PCLO: variants seen among roughly 807,000 people sequenced by gnomAD.
The protein encoded by PCLO is piccolo presynaptic cytomatrix protein.
Under a neutral mutation model 427.5 loss-of-function variants are expected in PCLO, and 82 were observed. That is an observed-to-expected ratio of 0.19 (90% CI 0.16 to 0.23). The LOEUF (loss-of-function observed/expected upper bound fraction) is 0.23. Ranked by LOEUF, PCLO falls within the 10% of genes least tolerant of loss-of-function variation. The pLI is 1.00. For missense variants in PCLO, 6,239 were observed against 6,115.9 expected (o/e 1.02, Z -0.67); for synonymous variants, 2,357 against 2,155.4 (o/e 1.09, Z -2.59).
intron 3 of PCLO, among the ~76,000 whole-genome samples, chr7:83,028,953 C>T (rs1441960042): frequency 6.6e-6 from 1 of 151,880 alleles, no homozygotes; most frequent in Non-Finnish European, 1.5e-5. Flanking sequence ...ATACAAAAAT[C>T]AATTCAAGAT....
intron 10 of PCLO, among the ~76,000 whole-genome samples, chr7:82,860,211 C>T (rs1409590191): frequency 1.3e-5 from 2 of 151,626 alleles, no homozygotes; most frequent in African/African-American, 4.8e-5. Context: ...TATCAATATC[C>T]AAGAACAAGA....
chr7:82,873,313 G>A (rs1027474569), intron 10 of PCLO, among the ~76,000 whole-genome samples: 7 of 149,998 alleles, frequency 4.7e-5, no homozygotes, highest in South Asian at 2.1e-4. Context: ...CCACACTCCC[G>A]TCATCCTCTT....
chr7:82,887,568 C>T (rs1793656020), intron 9 of PCLO, among the ~76,000 whole-genome samples: 2 of 152,140 alleles, frequency 1.3e-5, no homozygotes. Flanking sequence ...CAGCTGGAAG[C>T]AAAGCCTATA....
Position 82,804,632 on chromosome 7 carries a change from G to A in PCLO, c.14933+1056C>T, listed in dbSNP as rs144480147. ...GTGCCAGTTAGTAAATATTTTAGAT[G>A]GGCTGTATTCTAACGACTTAATTCT... On this transcript the variant is annotated intron_variant, in intron 21 of 24. Transcript: ENST00000333891. 3.1e-3 allele frequency among the ~76,000 whole-genome samples: 470 copies of A among 152,176 alleles called. 3 individuals are homozygous for A. Among genetic ancestry groups the A allele is most frequent in the African/African-American group, 0.011 (456 of 41,542 alleles).
At chr7:82,822,325 A>G in intron 20 of PCLO, 170 bp downstream of exon 20, 21 of 1,448,518 alleles carry the variant, frequency 1.4e-5, no homozygotes, top group Non-Finnish European at 1.9e-5. Flanking sequence ...AATCTAAATA[A>G]GAAAGAGCAT....
chr7:82,940,095 A>G (rs1201275500), intron 6 of PCLO, among the ~76,000 whole-genome samples: 2 of 152,192 alleles, frequency 1.3e-5, no homozygotes, highest in Admixed American at 6.5e-5. Context: ...CAATGTCATG[A>G]GAATGGATGT....
At chr7:83,058,927 T>G (rs1333459439) in intron 3 of PCLO, among the ~76,000 whole-genome samples, 3 of 152,074 alleles carry the variant, frequency 2.0e-5, no homozygotes, top group Non-Finnish European at 4.4e-5. Flanking sequence ...GCAAAATTAC[T>G]ATTCCTTCCT....
Position 82,754,744 on chromosome 7 carries a change from T to C in PCLO, c.*3831A>G, listed in dbSNP as rs548047669. 8 of 152,064 alleles carry C rather than the reference T, an allele frequency of 5.3e-5. No homozygotes were observed. Among genetic ancestry groups the C allele is most frequent in the African/African-American group, 1.4e-4 (6 of 41,430 alleles). 9.4% of individuals were successfully genotyped at this position (152,064 alleles called of 1,614,324 possible). A position where few individuals can be genotyped will look rare whatever the true frequency, so the allele number is the denominator to read the frequency against. ...TCAATGAGAATATTTGTTTCACTCA[T>C]TCATTACTGTATTACACCCAAGGCA... On this transcript the variant is annotated 3_prime_UTR_variant, in exon 25 of 25. Transcript: ENST00000333891.
At chr7:82,829,653 T>C (rs974137816) in intron 16 of PCLO, among the ~76,000 whole-genome samples, 1 of 152,158 alleles carries the variant, frequency 6.6e-6, no homozygotes. Flanking sequence ...ATAGGAAGTT[T>C]CTATATATAC....
chr7:82,915,265 T>C lies in PCLO; in HGVS notation c.12721A>G (p.Ile4241Val), dbSNP rs1012726707. Reference protein sequence around the residue: ...SSRARLLQDDITFGLRKNITD... With the variant: ...SSRARLLQDDVTFGLRKNITD... ...ATATTTTTTCTGAGGCCAAAAGTGA[T>C]GTCATCTTGAAGGAGCCTTGCCCTG... The change falls in exon 7 of 25, where the codon ATC (isoleucine) becomes GTC (valine). Residue 4241 changes from isoleucine (I) to valine (V), a missense_variant. Physicochemically the swap from Ile to Val is conservative, Grantham distance 29. Around this residue, in one of 5 missense-constraint regions of PCLO, gnomAD observed 680 missense variants for 677.3 expected, o/e 1.00. Transcript: ENST00000333891. 1.2e-6 allele frequency: 2 copies of C among 1,613,576 alleles called. No homozygotes were observed. The highest frequency in any genetic ancestry group is 1.7e-4 in the Middle Eastern group (1 of 6,058).
intron 6 of PCLO, among the ~76,000 whole-genome samples, chr7:82,924,331 C>A (rs114407479): frequency 0.019 from 2,937 of 151,914 alleles, 105 homozygotes; most frequent in African/African-American, 0.067. Context: ...AAAATTAATC[C>A]CCTTTATTGT....
At chr7:82,871,829 A>T (rs1793245228) in intron 10 of PCLO, among the ~76,000 whole-genome samples, 1 of 151,962 alleles carries the variant, frequency 6.6e-6, no homozygotes, top group African/African-American at 2.4e-5. Context: ...AAAAAACAAG[A>T]CAAAAGTCCT....
At position 82,954,307 on chromosome 7, in the gene PCLO, T is replaced by G; in HGVS notation, c.6646A>C (p.Met2216Leu). Residue 2216 changes from methionine to leucine, a missense_variant, in exon 5 of 25, where the codon ATG (methionine) becomes CTG (leucine). Physicochemically the swap from Met to Leu is conservative, Grantham distance 15. Around this residue, in one of 5 missense-constraint regions of PCLO, gnomAD observed 4,677 missense variants for 4,468.4 expected, o/e 1.05. Transcript: ENST00000333891. ...TCAGAATCTTCAAATTTAGTTATCA[T>G]GTCCACTGGCTCTGTATAAACTGTG... ...ITTVYTEPVDMITKFEDSEEI... is the reference protein window; with the variant it reads ...ITTVYTEPVDLITKFEDSEEI... 3.7e-6 allele frequency: 6 copies of G among 1,613,744 alleles called. No individual in the cohort carries two copies. The highest frequency in any genetic ancestry group is 1.7e-5 in the Admixed American group (1 of 60,002).
intron 3 of PCLO, among the ~76,000 whole-genome samples, chr7:83,102,538 A>G (rs915231874): frequency 6.6e-6 from 1 of 151,946 alleles, no homozygotes; most frequent in Non-Finnish European, 1.5e-5. Context: ...TCTGGGTTTG[A>G]ATTCTACTTC....
intron 6 of PCLO, among the ~76,000 whole-genome samples, chr7:82,925,634 T>C (rs909112091): frequency 6.6e-6 from 1 of 151,740 alleles, no homozygotes; most frequent in African/African-American, 2.4e-5. Context: ...ACCATCCCTC[T>C]ATCCTCTGCT....
chr7:82,977,376 T>C (rs1262381820), intron 3 of PCLO, among the ~76,000 whole-genome samples: 3 of 138,526 alleles, frequency 2.2e-5, no homozygotes, highest in Non-Finnish European at 4.7e-5. Context: ...GCAAAATTCA[T>C]CTTTTTTATT....
intron 3 of PCLO, among the ~76,000 whole-genome samples, chr7:83,099,882 G>T (rs925682760): frequency 6.6e-6 from 1 of 151,934 alleles, no homozygotes; most frequent in Non-Finnish European, 1.5e-5. Flanking sequence ...AGAAAATCCT[G>T]GAATTGTTAA....
At position 82,955,719 on chromosome 7, in the gene PCLO, G is replaced by A. The variant is rs764070940; in HGVS notation, c.5234C>T (p.Pro1745Leu). The A allele has an allele frequency of 5.0e-6, 8 of 1,613,760 alleles. No individual in the cohort carries two copies. The highest frequency in any genetic ancestry group is 2.2e-5 in the East Asian group (1 of 44,862). ...SSLDEDSDSS[P>L]SHKKGESKQQ... ...TTTGCTCTCTCCTTTTTTGTGACTC[G>A]GGCTACTGTCACTGTCCTCATCAAG... The change falls in exon 5 of 25, where the codon CCG becomes CTG. Residue 1745 changes from proline to leucine, a missense_variant. By Grantham distance (98) the Pro-to-Leu change is moderately conservative. Around this residue, in one of 5 missense-constraint regions of PCLO, gnomAD observed 4,677 missense variants for 4,468.4 expected, o/e 1.05. Transcript: ENST00000333891.
intron 22 of PCLO, among the ~76,000 whole-genome samples, chr7:82,775,602 T>C (rs888376995): frequency 1.3e-5 from 2 of 152,238 alleles, no homozygotes; most frequent in African/African-American, 4.8e-5. Context: ...TTAAAGTTCT[T>C]TTATAGTTTG....
Sources: gnomAD v4.1 joint callset for allele counts (sites outside exome capture counted in the v4.1 genomes callset) on GRCh38, gnomAD v4.1.1 for gene constraint, gnomAD v4.1.1 regional missense constraint, MANE v1.5 for transcripts, NCBI Gene and HGNC (gene_info 2026-07-23, HGNC 2026-07-21) for gene names.